EPHX1: variants seen among roughly 807,000 people sequenced by gnomAD.
The protein encoded by EPHX1 is epoxide hydratase.
A neutral mutation model predicts 43.2 loss-of-function variants in EPHX1; 40 were observed. The observed-to-expected ratio is 0.93, with a 90% CI of 0.72 to 1.21. EPHX1 has a LOEUF of 1.21. Among genes scored for constraint, EPHX1 ranks in the 50% most tolerant of loss-of-function variants. The pLI is 0.00. For missense variants in EPHX1, 550 were observed against 570.4 expected, an observed-to-expected ratio of 0.96 and a Z score of 0.36; for synonymous variants, 221 against 226.7, an observed-to-expected ratio of 0.98 and a Z score of 0.22.
Position 225,831,961 on chromosome 1 carries a change from T to C in EPHX1, c.364+2T>C. On this transcript the variant is annotated splice_donor_variant, in intron 3 of 8. Coordinates refer to ENST00000272167, the MANE Select transcript of EPHX1 (RefSeq NM_001136018.4). LOFTEE classifies it high-confidence loss of function. Reference sequence around the variant, plus strand: ...CTCACTTCAAGACTAAGATTGAAGGTATGTTTGCAAAACGCCAGCCAGAGA... The same window carrying C: ...CTCACTTCAAGACTAAGATTGAAGGCATGTTTGCAAAACGCCAGCCAGAGA... 1.2e-6 allele frequency: 2 copies of C among 1,613,904 alleles called. No homozygotes were observed. The highest frequency in any genetic ancestry group is 1.7e-6 in the Non-Finnish European group (2 of 1,179,904).
At chr1:225,840,423 G>A (rs1668303032) in intron 6 of EPHX1, among the ~76,000 whole-genome samples, 1 of 152,164 alleles carries the variant, frequency 6.6e-6, no homozygotes, top group Non-Finnish European at 1.5e-5. Flanking sequence ...TGGGGAAGAG[G>A]TTCCCAGGCA....
At chr1:225,819,510 A>G (rs1303835307) in intron 1 of EPHX1, among the ~76,000 whole-genome samples, 1 of 151,972 alleles carries the variant, frequency 6.6e-6, no homozygotes, top group African/African-American at 2.4e-5. Flanking sequence ...TCCAGGGGAG[A>G]GCCACAGGAA....
rs1272829334 is a variant in EPHX1 at position 225,817,876 on chromosome 1, G to A, written c.-6+7707G>A. Among the ~76,000 whole-genome samples the A allele has an allele frequency of 3.9e-5, 6 of 152,250 alleles. No individual in the cohort carries two copies. Among genetic ancestry groups the A allele is most frequent in the African/African-American group, 7.2e-5 (3 of 41,470 alleles). On this transcript the variant is annotated intron_variant, in intron 1 of 8. Coordinates refer to ENST00000272167, the MANE Select transcript of EPHX1 (RefSeq NM_001136018.4). This position sits in a 1 kb window ranked among gnomAD's most constrained non-coding sequence, Gnocchi z 5.7. ...TCATGGCCGGCTAGCACTTTACTGCGATTTTAGGAGCACTTTCTTGTGGTG... is the reference window on the plus strand; with the variant it reads ...TCATGGCCGGCTAGCACTTTACTGCAATTTTAGGAGCACTTTCTTGTGGTG...
chr1:225,839,896 C>T lies in EPHX1; in HGVS notation c.790C>T (p.Leu264=). The change falls in exon 6 of 9, where the codon CTG becomes TTG. Residue 264 remains leucine (L), a synonymous_variant. Transcript: ENST00000272167. ...LSNFSTLTLL[L]GQRFGRFLGL... The stretch of plus-strand genomic sequence containing the variant: ...CAACTTCTCTACCCTGACCCTCCTC[C>T]TGGGACAGCGTTTCGGGAGGTTTCT... The T allele has an allele frequency of 6.2e-7, 1 of 1,614,230 alleles. No homozygotes were observed. Among genetic ancestry groups the T allele is most frequent in the Non-Finnish European group, 8.5e-7 (1 of 1,180,036 alleles).
In EPHX1 at chr1:225,845,525, A is replaced by G; in HGVS notation, c.*178A>G. ...CCCCAACCCCCAACTCCGTGTGGTA[A>G]GCAACATGGCTTTGATGATAAACGA... On this transcript the variant is annotated 3_prime_UTR_variant, in exon 9 of 9. Transcript: ENST00000272167. The G allele has an allele frequency of 1.6e-6, 1 of 643,686 alleles. No homozygotes were observed. 39.9% of individuals were successfully genotyped at this position (643,686 alleles called of 1,614,324 possible). A position where few individuals can be genotyped will look rare whatever the true frequency, so the allele number is the denominator to read the frequency against.
intron 1 of EPHX1, 142 bp from the exon 2 acceptor site, chr1:225,828,583 G>T: frequency 1.9e-6 from 1 of 523,984 alleles, no homozygotes. Flanking sequence ...TATATAATAT[G>T]TATATATTAG....
intron 1 of EPHX1, among the ~76,000 whole-genome samples, chr1:225,823,763 G>A (rs2102700468): frequency 6.6e-6 from 1 of 152,190 alleles, no homozygotes; most frequent in Non-Finnish European, 1.5e-5. Flanking sequence ...GTTCCTGCGT[G>A]AGCAGTCCTT....
chr1:225,844,269 G>A (rs182435995), intron 7 of EPHX1, among the ~76,000 whole-genome samples: 1 of 151,692 alleles, frequency 6.6e-6, no homozygotes, highest in East Asian at 1.9e-4. Context: ...CAAGGTGGGT[G>A]GGGGGAGGAC....
intron 3 of EPHX1, among the ~76,000 whole-genome samples, chr1:225,832,476 A>G (rs530471307): frequency 6.6e-6 from 1 of 152,370 alleles, no homozygotes; most frequent in African/African-American, 2.4e-5. Context: ...CGGAGGTTGC[A>G]GTGAGCCAAG....
At chr1:225,822,240 A>C (rs1305753007) in intron 1 of EPHX1, among the ~76,000 whole-genome samples, 8 of 152,202 alleles carry the variant, frequency 5.3e-5, no homozygotes, top group Non-Finnish European at 1.2e-4. Context: ...CGTTTTTAAA[A>C]AAAATCATGC....
At chr1:225,811,299 T>G (rs892409243) in intron 1 of EPHX1, among the ~76,000 whole-genome samples, 7 of 152,062 alleles carry the variant, frequency 4.6e-5, no homozygotes, top group Non-Finnish European at 1.5e-5. Context: ...AATCCTAATT[T>G]TGACTTTTTT....
In EPHX1 at chr1:225,841,378, G is replaced by A. The variant is rs188679861; in HGVS notation, c.932-988G>A. Among the ~76,000 whole-genome samples the A allele has an allele frequency of 6.2e-3, 950 of 152,116 alleles. 6 individuals are homozygous for A. The highest frequency in any genetic ancestry group is 9.1e-3 in the Admixed American group (139 of 15,284). The stretch of plus-strand genomic sequence containing the variant: ...GCTCACTGCAACCTCCGCCTCCCAG[G>A]TTCAAGCAATTCTCCTGCCTCAGCC... On this transcript the variant is annotated intron_variant, in intron 6 of 8. Transcript: ENST00000272167.
rs550282190 is a variant in EPHX1, at chr1:225,833,914, T to C, written c.364+1955T>C. Among the ~76,000 whole-genome samples the C allele has an allele frequency of 3.0e-3, 432 of 143,336 alleles. 3 individuals carry two copies. Among genetic ancestry groups the C allele is most frequent in the South Asian group, 0.019 (86 of 4,472 alleles). The allele number at this position is 143,336 out of a possible 152,430, so 94.0% of individuals were successfully genotyped here. A position where few individuals can be genotyped will look rare whatever the true frequency, so the allele number is the denominator to read the frequency against. ...AGATCGAGACCATCCTGGTCTAACT[T>C]GGTGAAACCCCGTCTCTACTAAAAA... On this transcript the variant is annotated intron_variant, in intron 3 of 8. Coordinates refer to ENST00000272167, the MANE Select transcript of EPHX1 (RefSeq NM_001136018.4).
At chr1:225,842,588 G>C in intron 7 of EPHX1, 114 bp downstream of exon 7, 1 of 831,382 alleles carries the variant, frequency 1.2e-6, no homozygotes. Flanking sequence ...AAATTCTATT[G>C]TTGGCTTTCT....
chr1:225,838,957 T>G, intron 4 of EPHX1, 76 bp downstream of exon 4: 1 of 1,531,372 alleles, frequency 6.5e-7, no homozygotes, highest in East Asian at 2.3e-5. Flanking sequence ...CAGGCTCTCC[T>G]TCCGGCGGGG....
chr1:225,810,771 G>GT (rs1044625416), intron 1 of EPHX1, among the ~76,000 whole-genome samples: 4 of 145,774 alleles, frequency 2.7e-5, no homozygotes, highest in African/African-American at 7.5e-5. Flanking sequence ...AGAGTGGGGG[G>GT]GGTCACAAGG....
At chr1:225,836,732 ATAGTCAAACTCAGCAGAAG>A (rs1256190209) in intron 3 of EPHX1, among the ~76,000 whole-genome samples, 2 of 152,382 alleles carry the variant, frequency 1.3e-5, no homozygotes, top group East Asian at 3.9e-4. Context: ...GGAATCTGAA[ATAGTCAAACTCAGCAGAAG>A]CAGAGAGGAG....
At chr1:225,828,969 C>T (rs1667422413) in intron 2 of EPHX1, 57 bp downstream of exon 2, 3 of 1,545,784 alleles carry the variant, frequency 1.9e-6, no homozygotes, top group Non-Finnish European at 1.7e-6. Flanking sequence ...GTGTCGAAGA[C>T]AGGGGTTGGG....
At chr1:225,824,812 C>A (rs971750164) in intron 1 of EPHX1, among the ~76,000 whole-genome samples, 4 of 152,128 alleles carry the variant, frequency 2.6e-5, no homozygotes, top group Non-Finnish European at 5.9e-5. Context: ...AAGGCGGCAG[C>A]GGGGTTGGAA....
Sources: allele counts gnomAD v4.1 joint callset (sites outside exome capture counted in the v4.1 genomes callset), GRCh38; gene constraint gnomAD v4.1.1; non-coding constraint Gnocchi (gnomAD v3.1); transcripts MANE v1.5; gene names NCBI Gene and HGNC (gene_info 2026-07-23, HGNC 2026-07-21).